The following LYSMD4 variants were observed in gnomAD, a reference collection of about 807,000 sequenced individuals.
LYSMD4 encodes the protein lysM and putative peptidoglycan-binding domain-containing protein 4.
Under a neutral mutation model 6.1 loss-of-function variants are expected in LYSMD4, and 9 were observed. The observed-to-expected ratio is 1.47, with a 90% confidence interval of 0.88 to 2.56. The LOEUF is 2.56. LYSMD4 is among the 30% of genes most tolerant of loss of function. LYSMD4 has a pLI of 0.00. For missense variants in LYSMD4, 384 were observed against 373.5 expected (o/e 1.03, Z -0.23); for synonymous variants, 143 against 148.5 (o/e 0.96, Z 0.27).
chr15:99,724,230 A>G (rs141777033), downstream of LYSMD4, among the ~76,000 whole-genome samples: 1 of 145,082 alleles, frequency 6.9e-6, no homozygotes, highest in African/African-American at 2.9e-5. Context: ...GTTCTACCGT[A>G]TCTCTACTCT....
At chr15:99,729,812 T>C (rs2059359650) in intron 2 of LYSMD4, 81 bp from the exon 3 acceptor site, 5 of 1,469,722 alleles carry the variant, frequency 3.4e-6, no homozygotes, top group Non-Finnish European at 4.5e-6. Context: ...TCTTAATCTT[T>C]CTGGGTGATG....
chr15:99,732,389 A>G (rs1006898010), intron 1 of LYSMD4, among the ~76,000 whole-genome samples: 2 of 152,192 alleles, frequency 1.3e-5, no homozygotes, highest in African/African-American at 4.8e-5. Context: ...AGAATCTTCA[A>G]CTCAGAAGCT....
At chr15:99,718,881 C>T (rs939187773), upstream of LYSMD4, among the ~76,000 whole-genome samples, 1 of 151,074 alleles carries the variant, frequency 6.6e-6, no homozygotes, top group Non-Finnish European at 1.5e-5. Flanking sequence ...TTTCTGCAGA[C>T]ACAACAAGGA....
upstream of LYSMD4, among the ~76,000 whole-genome samples, chr15:99,720,244 G>A (rs1406324396): frequency 6.6e-6 from 1 of 152,180 alleles, no homozygotes; most frequent in Non-Finnish European, 1.5e-5. Context: ...TCTTGTTCTA[G>A]TATGGTTTCA....
At chr15:99,723,685 GCTT>G (rs1182813824), downstream of LYSMD4, among the ~76,000 whole-genome samples, 2 of 152,202 alleles carry the variant, frequency 1.3e-5, no homozygotes, top group Non-Finnish European at 2.9e-5. Context: ...AAGTAGTAAA[GCTT>G]CTTGCGATGA....
upstream of LYSMD4, among the ~76,000 whole-genome samples, chr15:99,718,142 A>G (rs2059204753): frequency 6.6e-6 from 1 of 152,208 alleles, no homozygotes; most frequent in Non-Finnish European, 1.5e-5. Flanking sequence ...GTCACTTGTT[A>G]CAGCTTTTCT....
chr15:99,729,865 A>T (rs2059361736), intron 2 of LYSMD4, 134 bp from the exon 3 acceptor site: 7 of 1,158,180 alleles, frequency 6.0e-6, no homozygotes, highest in Non-Finnish European at 8.3e-6. Context: ...AGACTGGAAA[A>T]CTGCAGCTGT....
rs911922150 is a variant in LYSMD4 at position 99,729,154 on chromosome 15, T to G, written c.860A>C (p.Gln287Pro). The change falls in exon 3 of 3, where the codon CAG becomes CCG. Residue 287 changes from glutamine (Q) to proline (P), a missense_variant. Gln to Pro is a moderately conservative substitution (Grantham distance 76). Transcript: ENST00000684762. ...CCCCGCTTGGGTGGTCTGACTGAACTGGCTGTCTGCAGAAGTGACGGCTGG... is the reference window on the plus strand; with the variant it reads ...CCCCGCTTGGGTGGTCTGACTGAACGGGCTGTCTGCAGAAGTGACGGCTGG... The part of the protein sequence containing the change: ...AVPAVTSADS[Q>P]FSQTTQAGS 6.2e-7 allele frequency: 1 copy of G among 1,614,086 alleles called. No homozygotes were observed. Among genetic ancestry groups the G allele is most frequent in the Non-Finnish European group, 8.5e-7 (1 of 1,179,928 alleles).
chr15:99,731,122 G>A, intron 2 of LYSMD4: 1 of 1,547,218 alleles, frequency 6.5e-7, no homozygotes. Context: ...AAGTGAAACA[G>A]TTGCAATCTA....
At chr15:99,724,006 G>A (rs561381427), downstream of LYSMD4, among the ~76,000 whole-genome samples, 1 of 151,030 alleles carries the variant, frequency 6.6e-6, no homozygotes, top group South Asian at 2.1e-4. Flanking sequence ...CTTCACGCCA[G>A]GCCACCAGAC....
chr15:99,732,085 T>G (rs527874959), intron 1 of LYSMD4, 78 bp from the exon 2 acceptor site: 50 of 1,406,132 alleles, frequency 3.6e-5, no homozygotes, highest in Non-Finnish European at 4.6e-5. Flanking sequence ...AGAAGTGTCT[T>G]GTTAGAGAGT....
In LYSMD4 at chr15:99,731,738, C is replaced by G. The variant is rs1010430578; in HGVS notation, c.262G>C (p.Ala88Pro). ...CTTACTTTGCAGCCATACTGCAGCG[C>G]CAGCTTGTTGAGGCTGTCCTCCTGG... ...LAQEDSLNKLALQYGCKVADI... is the reference protein window; with the variant it reads ...LAQEDSLNKLPLQYGCKVADI... Residue 88 changes from alanine to proline, a missense_variant, in exon 2 of 3, where the codon GCG becomes CCG. Physicochemically the swap from Ala to Pro is conservative, Grantham distance 27 (BLOSUM62 -1). Coordinates refer to ENST00000684762, the MANE Select transcript of LYSMD4 (RefSeq NM_001284417.2). The G allele has an allele frequency of 1.9e-6, 3 of 1,602,746 alleles. No individual in the cohort carries two copies. Among genetic ancestry groups the G allele is most frequent in the South Asian group, 2.2e-5 (2 of 90,364 alleles).
At chr15:99,719,105 T>C (rs2059218664), upstream of LYSMD4, among the ~76,000 whole-genome samples, 1 of 152,246 alleles carries the variant, frequency 6.6e-6, no homozygotes. Flanking sequence ...TTTTCAGAAC[T>C]GCCCATACCC....
chr15:99,717,718 A>G (rs936837048), exon 1 of LYSMD4: 14 of 152,188 alleles, frequency 9.2e-5, no homozygotes, highest in African/African-American at 3.4e-4. Context: ...GAGGACCCAG[A>G]TTGACAGGGC....
chr15:99,733,067 A>G, intron 1 of LYSMD4: 1 of 336,996 alleles, frequency 3.0e-6, no homozygotes, highest in East Asian at 4.4e-5. Flanking sequence ...AGCTGACAGG[A>G]AAATGGGGAG....
chr15:99,719,069 T>C (rs1267168316), upstream of LYSMD4, among the ~76,000 whole-genome samples: 3 of 152,242 alleles, frequency 2.0e-5, no homozygotes, highest in Non-Finnish European at 4.4e-5. Context: ...TCCTTTTACT[T>C]ATTGTTCAGT....
At chr15:99,725,122 G>A (rs1290049405), downstream of LYSMD4, among the ~76,000 whole-genome samples, 1 of 143,636 alleles carries the variant, frequency 7.0e-6, no homozygotes, top group Non-Finnish European at 1.6e-5. Context: ...GCAGGTAAGG[G>A]AGGCTCCTTT....
chr15:99,733,302 G>C (rs1047134394), intron 1 of LYSMD4, 43 bp downstream of exon 1: 17 of 389,702 alleles, frequency 4.4e-5, no homozygotes, highest in Non-Finnish European at 7.7e-5. Context: ...AGCCCGCGCG[G>C]CTCCCTAGCC....
upstream of LYSMD4, among the ~76,000 whole-genome samples, chr15:99,721,213 G>A (rs1233887145): frequency 6.6e-6 from 1 of 152,166 alleles, no homozygotes; most frequent in Non-Finnish European, 1.5e-5. Context: ...AGTCATCAGT[G>A]GAGGAAAGGA....
Sources: allele counts gnomAD v4.1 joint callset (sites outside exome capture counted in the v4.1 genomes callset), GRCh38; gene constraint gnomAD v4.1.1; transcripts MANE v1.5; gene names NCBI Gene and HGNC (gene_info 2026-07-23, HGNC 2026-07-21).